INPP4B: variants seen among roughly 807,000 people sequenced by gnomAD.
INPP4B encodes inositol polyphosphate-4-phosphatase type II B, also known as inositol polyphosphate 4-phosphatase type II.
Under a neutral mutation model 122.5 loss-of-function variants are expected in INPP4B, and 55 were observed. That is an observed-to-expected ratio of 0.45 (90% confidence interval 0.36 to 0.56). INPP4B has a LOEUF of 0.56. INPP4B is among the 20% of genes least tolerant of loss of function. The pLI, the probability that INPP4B is intolerant of heterozygous loss-of-function variation, is 0.00. For missense variants in INPP4B, 1,000 were observed against 1,097.7 expected (o/e 0.91, Z 1.26); for synonymous variants, 403 against 388.7 (o/e 1.04, Z -0.43).
chr4:142,688,035 A>G (rs1759621349), intron 2 of INPP4B, among the ~76,000 whole-genome samples: 1 of 151,796 alleles, frequency 6.6e-6, no homozygotes, highest in Non-Finnish European at 1.5e-5. Flanking sequence ...TATCCTCCCT[A>G]CTCATTCACT....
rs559910263 is a variant in INPP4B, at chr4:142,056,136, G to A, written c.2642+25895C>T. Among the ~76,000 whole-genome samples, 14 of 152,162 alleles carry A rather than the reference G, an allele frequency of 9.2e-5. No homozygotes were observed. In the South Asian group the frequency reaches 2.5e-3, roughly 27 times the overall value. ...GACGGAAGGCAGAGCTCAGATTGTG[G>A]CTGTAAATACAGATGAAGCTTTGCT... is the stretch of plus-strand genomic sequence containing the variant. On this transcript the variant is annotated intron_variant, in intron 25 of 25. Coordinates refer to ENST00000262992, the MANE Select transcript of INPP4B (RefSeq NM_001101669.3).
chr4:142,570,054 C>T (rs1026519237), intron 2 of INPP4B, among the ~76,000 whole-genome samples: 1 of 152,012 alleles, frequency 6.6e-6, no homozygotes, highest in Non-Finnish European at 1.5e-5. Flanking sequence ...ATAAACACAA[C>T]TAAAGAGAAA....
chr4:142,118,589 A>G (rs1277628666), intron 21 of INPP4B, among the ~76,000 whole-genome samples: 3 of 152,166 alleles, frequency 2.0e-5, no homozygotes, highest in African/African-American at 7.2e-5. Context: ...CTGGCTAGCC[A>G]TATGTAGAAA....
chr4:142,380,230 G>A (rs1057456938), intron 7 of INPP4B, among the ~76,000 whole-genome samples: 1 of 152,250 alleles, frequency 6.6e-6, no homozygotes, highest in Admixed American at 6.5e-5. Flanking sequence ...GCAGATCTTC[G>A]CATTCCCTTT....
chr4:142,745,005 G>GT (rs11378725), intron 1 of INPP4B, among the ~76,000 whole-genome samples: 42,407 of 151,520 alleles, frequency 0.28, 6,114 homozygotes, highest in South Asian at 0.41. Context: ...ACTGTTGAAT[G>GT]TTTATTATAT....
At chr4:142,769,284 T>C (rs1403736275) in intron 1 of INPP4B, among the ~76,000 whole-genome samples, 1 of 152,140 alleles carries the variant, frequency 6.6e-6, no homozygotes, top group Admixed American at 6.6e-5. Context: ...GCAGCTGCTC[T>C]ACTTGTGTCC....
chr4:142,696,374 C>A (rs1266196888), intron 2 of INPP4B, among the ~76,000 whole-genome samples: 2 of 152,092 alleles, frequency 1.3e-5, no homozygotes, highest in African/African-American at 4.8e-5. Context: ...CTCAAGGGAA[C>A]AATTATAAAC....
At chr4:142,720,749 C>CATATATATATGAATATATATATATAT (rs1764457691) in intron 2 of INPP4B, among the ~76,000 whole-genome samples, 3 of 38,894 alleles carry the variant, frequency 7.7e-5, no homozygotes, top group Admixed American at 3.2e-4. Flanking sequence ...TATATATATA[C>CATATATATATGAATATATATATATAT]ATATATATAT....
At chr4:142,740,000 T>A (rs757254519) in intron 1 of INPP4B, among the ~76,000 whole-genome samples, 1 of 152,086 alleles carries the variant, frequency 6.6e-6, no homozygotes, top group African/African-American at 2.4e-5. Flanking sequence ...TACTAGGTAG[T>A]TTATGTGCAT....
chr4:142,566,987 A>G (rs1731751038), intron 2 of INPP4B, among the ~76,000 whole-genome samples: 2 of 152,202 alleles, frequency 1.3e-5, no homozygotes, highest in Non-Finnish European at 2.9e-5. Flanking sequence ...ATTGACTGTC[A>G]GAGCCTGGTC....
At chr4:142,494,461 A>G (rs1822274080) in intron 2 of INPP4B, among the ~76,000 whole-genome samples, 1 of 152,166 alleles carries the variant, frequency 6.6e-6, no homozygotes, top group African/African-American at 2.4e-5. Flanking sequence ...TCCCATCAAT[A>G]CAACTATTAT....
At chr4:142,265,737 T>C (rs1166764521) in intron 10 of INPP4B, among the ~76,000 whole-genome samples, 1 of 152,232 alleles carries the variant, frequency 6.6e-6, no homozygotes, top group Non-Finnish European at 1.5e-5. Flanking sequence ...TTTACCATTT[T>C]AGTCAGCTTA....
At chr4:142,650,033 C>T (rs1296054775) in intron 2 of INPP4B, among the ~76,000 whole-genome samples, 1 of 152,230 alleles carries the variant, frequency 6.6e-6, no homozygotes, top group African/African-American at 2.4e-5. Context: ...AGAAACCCTT[C>T]AAGCCAGAAT....
intron 1 of INPP4B, among the ~76,000 whole-genome samples, chr4:142,800,116 T>A (rs186745048): frequency 6.6e-6 from 1 of 152,216 alleles, no homozygotes; most frequent in East Asian, 1.9e-4. Flanking sequence ...ATATAAAATG[T>A]TTTTGCATAA....
chr4:142,680,378 T>A (rs572985573), intron 2 of INPP4B, among the ~76,000 whole-genome samples: 2 of 151,950 alleles, frequency 1.3e-5, no homozygotes, highest in African/African-American at 4.8e-5. Flanking sequence ...AGGGAAGCAC[T>A]TCAGCTAACA....
intron 7 of INPP4B, among the ~76,000 whole-genome samples, chr4:142,343,402 T>C (rs548819893): frequency 6.6e-6 from 1 of 152,114 alleles, no homozygotes; most frequent in East Asian, 1.9e-4. Context: ...AAGGAGTAGA[T>C]AGATATAGGG....
At chr4:142,263,502 A>C (rs1907109) in intron 10 of INPP4B, among the ~76,000 whole-genome samples, 121,844 of 151,200 alleles carry the variant, frequency 0.81, 49,473 homozygotes, top group East Asian at 0.93. Flanking sequence ...AAATTGACTT[A>C]ATTTATTCAT....
At chr4:142,575,043 A>C (rs1309422304) in intron 2 of INPP4B, among the ~76,000 whole-genome samples, 1 of 152,136 alleles carries the variant, frequency 6.6e-6, no homozygotes, top group Admixed American at 6.6e-5. Flanking sequence ...CAACAAGAGC[A>C]CTGTGAATCC....
chr4:142,514,033 G>A (rs1560742965), intron 2 of INPP4B, among the ~76,000 whole-genome samples: 1 of 152,134 alleles, frequency 6.6e-6, no homozygotes, highest in African/African-American at 2.4e-5. Context: ...AAAGGGGGAA[G>A]TGCTTGCCAA....
Sources: allele counts gnomAD v4.1 joint callset (sites outside exome capture counted in the v4.1 genomes callset), GRCh38; gene constraint gnomAD v4.1.1; transcripts MANE v1.5; gene names NCBI Gene and HGNC (gene_info 2026-07-23, HGNC 2026-07-21).